The following DNAH10 variants were observed in gnomAD, a reference collection of about 807,000 sequenced individuals.
DNAH10 encodes the protein axonemal beta dynein heavy chain 10.
A neutral mutation model predicts 506.6 loss-of-function variants in DNAH10; 348 were observed. The observed-to-expected ratio is 0.69, with a 90% CI of 0.63 to 0.75. The LOEUF (loss-of-function observed/expected upper bound fraction) is 0.75, where lower values mean the gene tolerates loss of function less well. DNAH10 is among the 30% of genes least tolerant of loss of function. The probability of loss-of-function intolerance (pLI) is 0.00; values close to 1 mark genes in which losing one functional copy is unlikely to be tolerated. For synonymous variants in DNAH10, 2,059 were observed against 2,198.6 expected (o/e 0.94, Z 1.78); for missense variants, 5,179 against 5,787.1 (o/e 0.89, Z 3.41).
chr12:123,864,838 A>G (rs1951742588), intron 40 of DNAH10, 108 bp downstream of exon 40: 3 of 1,330,422 alleles, frequency 2.3e-6, no homozygotes, highest in Non-Finnish European at 3.0e-6. Context: ...AAAACAAACA[A>G]TGCATAAGGG....
At chr12:123,835,169 G>A (rs1163724030) in intron 27 of DNAH10, among the ~76,000 whole-genome samples, 1 of 152,194 alleles carries the variant, frequency 6.6e-6, no homozygotes, top group African/African-American at 2.4e-5. Flanking sequence ...GTGCTGGGCT[G>A]CATGGAGAGC....
chr12:123,821,667 ATT>A (rs200809125), intron 24 of DNAH10, among the ~76,000 whole-genome samples: 1 of 150,470 alleles, frequency 6.6e-6, no homozygotes, highest in African/African-American at 2.4e-5. Context: ...TAAAATGACA[ATT>A]TTTTTTTTAT....
intron 56 of DNAH10, among the ~76,000 whole-genome samples, chr12:123,901,392 C>G (rs1023106357): frequency 5.9e-5 from 9 of 152,216 alleles, no homozygotes; most frequent in Admixed American, 1.3e-4. Flanking sequence ...ATGCATTCAT[C>G]CCCCTGCTGC....
At position 123,934,644 on chromosome 12, in the gene DNAH10, C is replaced by A. The variant is rs376054286; in HGVS notation, c.13501C>A (p.Leu4501Met). Residue 4501 changes from leucine (L) to methionine (M), a missense_variant, in exon 78 of 79, where the codon CTG (leucine) becomes ATG (methionine). Physicochemically the swap from Leu to Met is conservative, Grantham distance 15. Transcript: ENST00000673944. ...GQGCFVSGLY[L>M]EGADWDIEKG... ...AGGATGCTTTGTCTCAGGACTGTAC[C>A]TGGAAGGTGCTGACTGGGATATAGA... 1.9e-6 allele frequency: 3 copies of A among 1,613,680 alleles called. No homozygotes were observed. Among genetic ancestry groups the A allele is most frequent in the Non-Finnish European group, 1.7e-6 (2 of 1,179,766 alleles).
chr12:123,932,889 T>G (rs1054511761), intron 76 of DNAH10, among the ~76,000 whole-genome samples: 7 of 152,234 alleles, frequency 4.6e-5, no homozygotes, highest in African/African-American at 1.7e-4. Context: ...TCATTGATGT[T>G]TAAGAGCTCT....
intron 47 of DNAH10, among the ~76,000 whole-genome samples, chr12:123,876,891 T>G (rs139312988): frequency 3.3e-5 from 5 of 152,118 alleles, no homozygotes; most frequent in Middle Eastern, 3.4e-3. Context: ...GCCCAAGAGG[T>G]CGAGGCTGCA....
intron 36 of DNAH10, among the ~76,000 whole-genome samples, chr12:123,855,563 G>A (rs1475104881): frequency 2.6e-5 from 4 of 151,452 alleles, no homozygotes; most frequent in East Asian, 1.9e-4. Context: ...GAACCTGGGA[G>A]GTGGAGGCTG....
At chr12:123,819,098 A>G (rs773978070) in intron 22 of DNAH10, 32 bp downstream of exon 22, 1 of 1,600,732 alleles carries the variant, frequency 6.2e-7, no homozygotes, top group South Asian at 1.1e-5. Context: ...CTGAGTAAAG[A>G]CATTGAAAAA....
chr12:123,854,069 G>GTTTTT (rs10648649), intron 36 of DNAH10, among the ~76,000 whole-genome samples: 67 of 117,016 alleles, frequency 5.7e-4, no homozygotes, highest in Middle Eastern at 5.2e-3. Flanking sequence ...ACACATTTGG[G>GTTTTT]TTTTTTTTTT....
chr12:123,909,218 C>T lies in DNAH10; in HGVS notation c.9816-43C>T, dbSNP rs770968833. Reference sequence around the variant, plus strand: ...GCTCTCTTTCAGGCCAGATCCTGGCCACATCCCGGGGTTGTGACCCACGTG... The same window carrying T: ...GCTCTCTTTCAGGCCAGATCCTGGCTACATCCCGGGGTTGTGACCCACGTG... On this transcript the variant is annotated intron_variant, in intron 57 of 78. Coordinates refer to ENST00000673944, the MANE Select transcript of DNAH10 (RefSeq NM_001372106.1). This position sits in a 1 kb window ranked among gnomAD's most constrained non-coding sequence, Gnocchi z 5.4. 8.8e-6 allele frequency: 14 copies of T among 1,596,872 alleles called. No homozygotes were observed. In the East Asian group the frequency reaches 2.7e-4, roughly 31 times the overall value.
rs748875538 is a variant in DNAH10 at position 123,830,702 on chromosome 12, A to G, written c.4545+3A>G. The G allele has an allele frequency of 1.9e-6, 3 of 1,605,238 alleles. No individual in the cohort carries two copies. Among genetic ancestry groups the G allele is most frequent in the Non-Finnish European group, 2.6e-6 (3 of 1,176,224 alleles). On this transcript the variant is annotated splice_donor_region_variant and intron_variant, in intron 26 of 78. Transcript: ENST00000673944. ...TCAAGGAGGTTGCCATTGAGAAGGT[A>G]AGACTTCAGTTAAAAACAGGCTGGA...
chr12:123,801,439 T>C lies in DNAH10; in HGVS notation c.2614+7T>C. 6.2e-7 allele frequency: 1 copy of C among 1,611,224 alleles called. No individual in the cohort carries two copies. Among genetic ancestry groups the C allele is most frequent in the Non-Finnish European group, 8.5e-7 (1 of 1,179,014 alleles). Reference sequence around the variant, plus strand: ...TTGAACTGGAACTCACTAGGTAACGTCATTCATCTATTGATTGCCTTTTAG... The same window carrying C: ...TTGAACTGGAACTCACTAGGTAACGCCATTCATCTATTGATTGCCTTTTAG... On this transcript the variant is annotated splice_region_variant and intron_variant, in intron 16 of 78. Coordinates refer to ENST00000673944, the MANE Select transcript of DNAH10 (RefSeq NM_001372106.1).
chr12:123,896,338 G>T (rs906715644), intron 54 of DNAH10, among the ~76,000 whole-genome samples: 1 of 152,164 alleles, frequency 6.6e-6, no homozygotes, highest in African/African-American at 2.4e-5. Context: ...GCAGAATCTG[G>T]ATTAATCGGT....
chr12:123,784,291 A>C (rs1957771697), intron 8 of DNAH10, 114 bp downstream of exon 8: 2 of 1,066,800 alleles, frequency 1.9e-6, no homozygotes, highest in Admixed American at 4.1e-5. Flanking sequence ...TCATGCCTGT[A>C]ATCCCAGCAC....
chr12:123,922,463 G>A (rs1023736389), intron 65 of DNAH10, among the ~76,000 whole-genome samples: 8 of 152,156 alleles, frequency 5.3e-5, no homozygotes, highest in Admixed American at 2.0e-4. Context: ...GGAAGCAGAG[G>A]GTGGGTAGGA....
Position 123,858,079 on chromosome 12 carries a change from T to TC in DNAH10, c.6630+833dup, listed in dbSNP as rs540946892. ...TAAATTTTATATATATAGTTTTTTT[T>TC]CACACAATGTGATCAGGTGACTCAA... is the stretch of plus-strand genomic sequence containing the variant. On this transcript the variant is annotated intron_variant, in intron 37 of 78. Coordinates refer to ENST00000673944, the MANE Select transcript of DNAH10 (RefSeq NM_001372106.1). Among the ~76,000 whole-genome samples, 177 of 152,354 alleles carry TC rather than the reference T, an allele frequency of 1.2e-3. 2 individuals are homozygous for TC. The highest frequency in any genetic ancestry group is 3.2e-3 in the Admixed American group (49 of 15,306).
intron 65 of DNAH10, among the ~76,000 whole-genome samples, chr12:123,920,219 T>A (rs1042754356): frequency 6.6e-6 from 1 of 152,228 alleles, no homozygotes; most frequent in African/African-American, 2.4e-5. Context: ...CAACCCAGAT[T>A]ATGTTGAAAA....
Position 123,788,006 on chromosome 12 carries a change from G to C in DNAH10, c.1620+4G>C. 2.6e-6 allele frequency: 4 copies of C among 1,560,166 alleles called. No individual in the cohort carries two copies. Among genetic ancestry groups the C allele is most frequent in the Non-Finnish European group, 3.5e-6 (4 of 1,151,460 alleles). On this transcript the variant is annotated splice_donor_region_variant and intron_variant, in intron 10 of 78. Transcript: ENST00000673944. ...GGACCTCTCCGACGTTCTGCAGGTA[G>C]GGGCTGGGCGAAGGCCGGCGGAATT...
At chr12:123,891,543 AGAGGAAC>A (rs2137165543) in intron 52 of DNAH10, among the ~76,000 whole-genome samples, 1 of 152,216 alleles carries the variant, frequency 6.6e-6, no homozygotes, top group South Asian at 2.1e-4. Flanking sequence ...TTCAGGTGGA[AGAGGAAC>A]GAGCAGAGAC....
Sources: allele counts gnomAD v4.1 joint callset (sites outside exome capture counted in the v4.1 genomes callset), GRCh38; gene constraint gnomAD v4.1.1; non-coding constraint Gnocchi (gnomAD v3.1); transcripts MANE v1.5; gene names NCBI Gene and HGNC (gene_info 2026-07-23, HGNC 2026-07-21).